The following TGOLN2 variants were observed in gnomAD, a reference collection of about 807,000 sequenced individuals.
TGOLN2 encodes the protein trans-Golgi network integral membrane protein 2.
Under a neutral mutation model 31.3 loss-of-function variants are expected in TGOLN2, and 19 were observed. That is an observed-to-expected ratio of 0.61 (90% CI 0.42 to 0.89). The LOEUF (loss-of-function observed/expected upper bound fraction) is 0.89, where lower values mean the gene tolerates loss of function less well. Among genes scored for constraint, TGOLN2 ranks in the 40% least tolerant of loss-of-function variants. The pLI, the probability that TGOLN2 is intolerant of heterozygous loss-of-function variation, is 0.00. For synonymous variants in TGOLN2, 222 were observed against 226.7 expected (o/e 0.98, Z 0.19); for missense variants, 540 against 559.2 (o/e 0.97, Z 0.35).
intron 3 of TGOLN2, among the ~76,000 whole-genome samples, chr2:85,323,788 C>T (rs1682632868): frequency 6.6e-6 from 1 of 152,328 alleles, no homozygotes; most frequent in Admixed American, 6.5e-5. Flanking sequence ...ACCAATGGTT[C>T]TTTGCCAATG....
chr2:85,325,197 T>C (rs1682688345), intron 2 of TGOLN2, among the ~76,000 whole-genome samples, 199 bp from the exon 3 acceptor site: 1 of 152,230 alleles, frequency 6.6e-6, no homozygotes, highest in African/African-American at 2.4e-5. Flanking sequence ...TCCTTTGTAT[T>C]GCTTAATAGG....
intron 2 of TGOLN2, among the ~76,000 whole-genome samples, chr2:85,325,457 T>C (rs1323412560): frequency 6.6e-6 from 1 of 152,184 alleles, no homozygotes; most frequent in Non-Finnish European, 1.5e-5. Context: ...TAATGGACAC[T>C]TGGACATAGA....
At position 85,326,636 on chromosome 2, in the gene TGOLN2, C is replaced by T. The variant is rs751868023; in HGVS notation, c.1096G>A (p.Glu366Lys). 91 of 1,613,926 alleles carry T rather than the reference C, an allele frequency of 5.6e-5. No individual in the cohort carries two copies. The highest frequency in any genetic ancestry group is 7.2e-5 in the Non-Finnish European group (85 of 1,179,896). ...EGTLSDSTGS[E>K]KDDLYPNGSG... ...CCGTTCGGATAAAGGTCATCCTTCTCGCTACCCGTGGAATCCGAAAGTGTC... is the reference window on the plus strand; with the variant it reads ...CCGTTCGGATAAAGGTCATCCTTCTTGCTACCCGTGGAATCCGAAAGTGTC... Residue 366 changes from glutamate (E) to lysine (K), a missense_variant, in exon 2 of 4, where the codon GAG becomes AAG. Physicochemically the swap from Glu to Lys is moderately conservative, Grantham distance 56. Transcript: ENST00000377386.
rs370630952 is a variant in TGOLN2, at chr2:85,327,959, G to A, written c.4C>T (p.Arg2Trp). The A allele has an allele frequency of 1.3e-6, 2 of 1,594,638 alleles. No individual in the cohort carries two copies. The highest frequency in any genetic ancestry group is 1.7e-6 in the Non-Finnish European group (2 of 1,171,122). Residue 2 changes from arginine (R) to tryptophan (W), a missense_variant, in exon 1 of 4, where the codon CGG becomes TGG. Coordinates refer to ENST00000377386, the MANE Select transcript of TGOLN2 (RefSeq NM_006464.4). ...AGGAGGACCAAGGCAACCACGAACC[G>A]CATCCTGCTCGGATAGCGCTTCCGC... Reference protein sequence around the residue: MRFVVALVLLNV... With the variant: MWFVVALVLLNV...
chr2:85,320,144 G>C lies in TGOLN2; in HGVS notation c.*2592C>G, dbSNP rs1300550172. 6.6e-6 allele frequency: 1 copy of C among 152,390 alleles called. No individual in the cohort carries two copies. The highest frequency in any genetic ancestry group is 1.5e-5 in the Non-Finnish European group (1 of 68,164). The allele number at this position is 152,390 out of a possible 1,614,324, so 9.4% of individuals were successfully genotyped here. ...CACAGATGGGCACCCCACAGGAGGG[G>C]CCTTGGCCAGGTTGGGATGCAGAGA... On this transcript the variant is annotated 3_prime_UTR_variant, in exon 4 of 4. Transcript: ENST00000377386.
At chr2:85,325,982 G>A (rs191611181) in intron 2 of TGOLN2, among the ~76,000 whole-genome samples, 81 of 152,294 alleles carry the variant, frequency 5.3e-4, no homozygotes, top group Non-Finnish European at 5.9e-5. Context: ...ACAGGTGTAC[G>A]TGTCTGTGCA....
intron 3 of TGOLN2, among the ~76,000 whole-genome samples, chr2:85,324,166 T>C (rs1389942348): frequency 6.6e-6 from 1 of 152,180 alleles, no homozygotes; most frequent in Non-Finnish European, 1.5e-5. Context: ...CTTATGCCTG[T>C]AATCTCAGCA....
In TGOLN2 at chr2:85,319,416, TC is replaced by T. The variant is rs1558667977; in HGVS notation, c.*3319del. 1 of 152,004 alleles carries T rather than the reference TC, an allele frequency of 6.6e-6. No homozygotes were observed. Among genetic ancestry groups the T allele is most frequent in the Non-Finnish European group, 1.5e-5 (1 of 68,000 alleles). 9.4% of individuals were successfully genotyped at this position (152,004 alleles called of 1,614,324 possible). Reference sequence around the variant, plus strand: ...TGGTCTCGATCTCTTGACCTCGTGATCCCCCCGCCTCGGCCTCCCAAAGCGC... The same window carrying T: ...TGGTCTCGATCTCTTGACCTCGTGATCCCCCGCCTCGGCCTCCCAAAGCGC... On this transcript the variant is annotated 3_prime_UTR_variant, in exon 4 of 4. Transcript: ENST00000377386.
In TGOLN2 at chr2:85,327,354, C is replaced by A. The variant is rs769470340; in HGVS notation, c.378G>T (p.Ser126=). 424 of 1,611,948 alleles carry A rather than the reference C, an allele frequency of 2.6e-4. 1 individual carries two copies. The highest frequency in any genetic ancestry group is 2.1e-3 in the Middle Eastern group (13 of 6,078). ...AQTTKDSTSK[S]HPELQTPKDS... Reference sequence around the variant, plus strand: ...CTTTTGGAGTCTGCAGCTCCGGATGCGACTTACTAGTGCTGTCTTTTGTGG... The same window carrying A: ...CTTTTGGAGTCTGCAGCTCCGGATGAGACTTACTAGTGCTGTCTTTTGTGG... The change falls in exon 2 of 4, where the codon TCG becomes TCT. Residue 126 remains serine, a synonymous_variant. Coordinates refer to ENST00000377386, the MANE Select transcript of TGOLN2 (RefSeq NM_006464.4).
intron 2 of TGOLN2, among the ~76,000 whole-genome samples, chr2:85,325,436 G>C (rs150982720): frequency 2.0e-5 from 3 of 151,876 alleles, no homozygotes; most frequent in African/African-American, 7.3e-5. Flanking sequence ...CATGACTAAG[G>C]TTACCCTGCA....
At position 85,321,909 on chromosome 2, in the gene TGOLN2, C is replaced by G. The variant is rs982334943; in HGVS notation, c.*827G>C. 1 of 152,188 alleles carries G rather than the reference C, an allele frequency of 6.6e-6. No individual in the cohort carries two copies. The highest frequency in any genetic ancestry group is 1.5e-5 in the Non-Finnish European group (1 of 68,044). 9.4% of individuals were successfully genotyped at this position (152,188 alleles called of 1,614,324 possible). A position where few individuals can be genotyped will look rare whatever the true frequency, so the allele number is the denominator to read the frequency against. On this transcript the variant is annotated 3_prime_UTR_variant, in exon 4 of 4. Coordinates refer to ENST00000377386, the MANE Select transcript of TGOLN2 (RefSeq NM_006464.4). ...CTGAGTATGATTGTGTGAAAGATCA[C>G]ACTACTTCAAATCATATTTATTTTA...
intron 3 of TGOLN2, among the ~76,000 whole-genome samples, chr2:85,324,229 C>G (rs1370505683): frequency 6.6e-6 from 1 of 151,994 alleles, no homozygotes; most frequent in East Asian, 1.9e-4. Context: ...TCGAGACCAG[C>G]CTGACCAACA....
chr2:85,322,798 T>C (rs768967202), intron 3 of TGOLN2, 57 bp from the exon 4 acceptor site: 51 of 1,591,376 alleles, frequency 3.2e-5, no homozygotes, highest in African/African-American at 1.6e-4. Context: ...AATTAAGACA[T>C]ACTGACCCAC....
In TGOLN2 at chr2:85,326,918, T is replaced by C. The variant is rs1682753653; in HGVS notation, c.814A>G (p.Asn272Asp). ...GTGTCAGCCTTGGGGAGCTCCTTGT[T>C]ATCAGAAGGGTTGGAGATGGGCTTG... ...HSKPISNPSD[N>D]KELPKADTNQ... is the part of the protein sequence containing the mutation. The change falls in exon 2 of 4, where the codon AAC (asparagine) becomes GAC (aspartate). Residue 272 changes from asparagine to aspartate, a missense_variant. Transcript: ENST00000377386. The C allele has an allele frequency of 6.2e-7, 1 of 1,613,932 alleles. No individual in the cohort carries two copies. Among genetic ancestry groups the C allele is most frequent in the Non-Finnish European group, 8.5e-7 (1 of 1,179,898 alleles).
At position 85,318,951 on chromosome 2, in the gene TGOLN2, A is replaced by G. The variant is rs1682459539; in HGVS notation, c.*3785T>C. Reference sequence around the variant, plus strand: ...CTAATAGAAATCACCCTTCACCCAAAAGCTGGGCGCAGAAAGGGAAGCCCT... The same window carrying G: ...CTAATAGAAATCACCCTTCACCCAAGAGCTGGGCGCAGAAAGGGAAGCCCT... On this transcript the variant is annotated 3_prime_UTR_variant, in exon 4 of 4. Coordinates refer to ENST00000377386, the MANE Select transcript of TGOLN2 (RefSeq NM_006464.4). The G allele has an allele frequency of 6.6e-6, 1 of 152,084 alleles. No individual in the cohort carries two copies. Among genetic ancestry groups the G allele is most frequent in the African/African-American group, 2.4e-5 (1 of 41,400 alleles). The allele number at this position is 152,084 out of a possible 1,614,324, so 9.4% of individuals were successfully genotyped here. A position where few individuals can be genotyped will look rare whatever the true frequency, so the allele number is the denominator to read the frequency against.
Position 85,327,601 on chromosome 2 carries a change from G to T in TGOLN2, c.131C>A (p.Pro44His). 6.2e-7 allele frequency: 1 copy of T among 1,614,062 alleles called. No homozygotes were observed. Among genetic ancestry groups the T allele is most frequent in the East Asian group, 2.2e-5 (1 of 44,886 alleles). ...GCCTCCAGGCCGTTGGCTCAAGCTG[G>T]GGTGGGTGGAGACGTTTCCTGCAGA... Reference protein sequence around the residue: ...RPSAGNVSTHPSLSQRPGGST... With the variant: ...RPSAGNVSTHHSLSQRPGGST... Residue 44 changes from proline (P) to histidine (H), a missense_variant, in exon 2 of 4, where the codon CCC (proline) becomes CAC (histidine). Transcript: ENST00000377386.
chr2:85,325,248 A>C (rs921928782), intron 2 of TGOLN2, among the ~76,000 whole-genome samples: 6 of 152,312 alleles, frequency 3.9e-5, no homozygotes, highest in Admixed American at 3.9e-4. Context: ...AGCGTGTGGG[A>C]GGAAGTCTGT....
At chr2:85,325,409 C>A (rs1188092646) in intron 2 of TGOLN2, among the ~76,000 whole-genome samples, 1 of 152,178 alleles carries the variant, frequency 6.6e-6, no homozygotes, top group African/African-American at 2.4e-5. Flanking sequence ...CAACTACATT[C>A]TTTATCAATC....
intron 3 of TGOLN2, among the ~76,000 whole-genome samples, chr2:85,323,602 C>T (rs1455070759): frequency 6.6e-6 from 1 of 152,124 alleles, no homozygotes; most frequent in Admixed American, 6.5e-5. Flanking sequence ...AGGGGGAAAA[C>T]CCTTAAAGTC....
Sources: allele counts gnomAD v4.1 joint callset (sites outside exome capture counted in the v4.1 genomes callset), GRCh38; gene constraint gnomAD v4.1.1; transcripts MANE v1.5; gene names NCBI Gene and HGNC (gene_info 2026-07-23, HGNC 2026-07-21).